Variants in SNN observed in about 807,000 individuals in gnomAD.
The protein encoded by SNN is stannin, also known as AG8_1.
In SNN, 5 loss-of-function variants were observed where a neutral mutation model predicts 5.3. The observed-to-expected ratio is 0.94, with a 90% confidence interval of 0.49 to 1.97. The LOEUF (loss-of-function observed/expected upper bound fraction) is 1.97. Ranked by LOEUF, SNN falls within the 30% of genes most tolerant of loss-of-function variation. SNN has a pLI of 0.01. For missense variants in SNN, 127 were observed against 121.6 expected (o/e 1.04, Z -0.21); for synonymous variants, 67 against 52.1 (o/e 1.29, Z -1.24).
intron 1 of SNN, among the ~76,000 whole-genome samples, chr16:11,673,236 C>T (rs1035661183): frequency 2.0e-5 from 3 of 151,966 alleles, no homozygotes; most frequent in African/African-American, 7.3e-5. Context: ...AGTCTGGAGG[C>T]GTGAGAGAAC....
chr16:11,670,762 G>C (rs915647538), intron 1 of SNN, among the ~76,000 whole-genome samples: 1 of 152,224 alleles, frequency 6.6e-6, no homozygotes, highest in Non-Finnish European at 1.5e-5. Flanking sequence ...ACTGCGGTCT[G>C]TGGGCCCCCC....
intron 1 of SNN, among the ~76,000 whole-genome samples, chr16:11,673,763 CG>C (rs2050280834): frequency 6.6e-6 from 1 of 152,152 alleles, no homozygotes; most frequent in Admixed American, 6.5e-5. Flanking sequence ...CGGGGGTCAG[CG>C]TGGCTGGCGA....
rs2050326765 is a variant in SNN at position 11,678,437 on chromosome 16, G to C, written c.*2111G>C. On this transcript the variant is annotated 3_prime_UTR_variant, in exon 2 of 2. Transcript: ENST00000329565. ...GCAACAGCTAGGATCTGCATTTTCA[G>C]GTTCCGAGCCTGACCCCTGGAACTG... 1.2e-5 allele frequency: 2 copies of C among 167,080 alleles called. No homozygotes were observed. Among genetic ancestry groups the C allele is most frequent in the African/African-American group, 4.8e-5 (2 of 41,428 alleles). 10.3% of individuals were successfully genotyped at this position (167,080 alleles called of 1,614,324 possible).
chr16:11,676,242 G>C lies in SNN; in HGVS notation c.183G>C (p.Leu61=), dbSNP rs372269134. ...ATGGGGAGACCAAGGAACCCTTCCT[G>C]CTGGTGCAGTATTCGGCCAAGGGAC... The part of the protein sequence containing the change: ...VGDGETKEPF[L]LVQYSAKGPC... Residue 61 remains leucine, a synonymous_variant, in exon 2 of 2, where the codon CTG becomes CTC. Coordinates refer to ENST00000329565, the MANE Select transcript of SNN (RefSeq NM_003498.6). 3 of 1,614,096 alleles carry C rather than the reference G, an allele frequency of 1.9e-6. No individual in the cohort carries two copies. The highest frequency in any genetic ancestry group is 2.7e-5 in the African/African-American group (2 of 74,934).
At position 11,668,543 on chromosome 16, in the gene SNN, G is replaced by A. The variant is rs1487430233; in HGVS notation, c.-86+3G>A. ...GGCCGGGCCGCTGCCGCGCCATGGT[G>A]AGCCGGGCGGGGCAGGCCGCGCGCT... On this transcript the variant is annotated splice_donor_region_variant and intron_variant, in intron 1 of 1. Coordinates refer to ENST00000329565, the MANE Select transcript of SNN (RefSeq NM_003498.6). The surrounding 1 kb of genome is among the most constrained non-coding windows in gnomAD (Gnocchi z 6.8). 1 of 145,574 alleles carries A rather than the reference G, an allele frequency of 6.9e-6. No individual in the cohort carries two copies. Among genetic ancestry groups the A allele is most frequent in the Non-Finnish European group, 1.5e-5 (1 of 65,344 alleles). The allele number at this position is 145,574 out of a possible 1,614,324, so 9.0% of individuals were successfully genotyped here.
At chr16:11,675,385 A>G (rs1157069464) in intron 1 of SNN, among the ~76,000 whole-genome samples, 3 of 146,782 alleles carry the variant, frequency 2.0e-5, no homozygotes, top group Non-Finnish European at 3.0e-5. Flanking sequence ...CTCATGCCTT[A>G]GCCTCCCAAG....
At chr16:11,669,911 T>C (rs1029489721) in intron 1 of SNN, among the ~76,000 whole-genome samples, 1 of 151,068 alleles carries the variant, frequency 6.6e-6, no homozygotes, top group Non-Finnish European at 1.5e-5. Context: ...TGGGTGGGGG[T>C]GGAGGATGAG....
rs995939497 is a variant in SNN, at chr16:11,672,302, G to A, written c.-85-3673G>A. Among the ~76,000 whole-genome samples, 1 of 152,176 alleles carries A rather than the reference G, an allele frequency of 6.6e-6. No homozygotes were observed. The highest frequency in any genetic ancestry group is 2.4e-5 in the African/African-American group (1 of 41,422). On this transcript the variant is annotated intron_variant, in intron 1 of 1. Transcript: ENST00000329565. This position sits in a 1 kb window ranked among gnomAD's most constrained non-coding sequence, Gnocchi z 6.0. ...GGGACAGCCCCTGAGCCTAGAGAAGGGCAGGTAGCAAGGAGAGCAAATGAA... is the reference window on the plus strand; with the variant it reads ...GGGACAGCCCCTGAGCCTAGAGAAGAGCAGGTAGCAAGGAGAGCAAATGAA...
intron 1 of SNN, among the ~76,000 whole-genome samples, chr16:11,674,530 C>G (rs1055372154): frequency 5.9e-5 from 9 of 152,254 alleles, no homozygotes; most frequent in African/African-American, 2.2e-4. Context: ...TCCTCCGCCA[C>G]TTGGCAGGCC....
chr16:11,668,575 G>C lies in SNN; in HGVS notation c.-86+35G>C, dbSNP rs1335540317. On this transcript the variant is annotated intron_variant, in intron 1 of 1. Coordinates refer to ENST00000329565, the MANE Select transcript of SNN (RefSeq NM_003498.6). This position sits in a 1 kb window ranked among gnomAD's most constrained non-coding sequence, Gnocchi z 6.8. ...GCGGGGCAGGCCGCGCGCTCGGGCCGGGCGGGGGCGCCGGGGCCCGGGGGC... is the reference window on the plus strand; with the variant it reads ...GCGGGGCAGGCCGCGCGCTCGGGCCCGGCGGGGGCGCCGGGGCCCGGGGGC... 1.4e-5 allele frequency: 2 copies of C among 145,364 alleles called. No homozygotes were observed. The highest frequency in any genetic ancestry group is 3.1e-5 in the Non-Finnish European group (2 of 65,190). 9.0% of individuals were successfully genotyped at this position (145,364 alleles called of 1,614,324 possible).
chr16:11,673,864 G>C (rs1455341858), intron 1 of SNN, among the ~76,000 whole-genome samples: 1 of 152,226 alleles, frequency 6.6e-6, no homozygotes, highest in Non-Finnish European at 1.5e-5. Context: ...CCCTGAGGGT[G>C]GGCAGGGAGA....
chr16:11,669,010 G>C (rs1401613976), intron 1 of SNN, among the ~76,000 whole-genome samples: 1 of 152,132 alleles, frequency 6.6e-6, no homozygotes, highest in Non-Finnish European at 1.5e-5. Flanking sequence ...CCGGTTCCGT[G>C]GGCAGCGGCT....
At chr16:11,669,049 G>C (rs1347621064) in intron 1 of SNN, among the ~76,000 whole-genome samples, 1 of 152,150 alleles carries the variant, frequency 6.6e-6, no homozygotes, top group Non-Finnish European at 1.5e-5. Flanking sequence ...TAGCTCCCCT[G>C]GTCCCCGTCC....
In SNN at chr16:11,676,399, G is replaced by T. The variant is rs2050304611; in HGVS notation, c.*73G>T. 1 of 1,504,262 alleles carries T rather than the reference G, an allele frequency of 6.6e-7. No homozygotes were observed. Among genetic ancestry groups the T allele is most frequent in the South Asian group, 1.3e-5 (1 of 79,920 alleles). 93.2% of individuals were successfully genotyped at this position (1,504,262 alleles called of 1,614,324 possible). A position where few individuals can be genotyped will look rare whatever the true frequency, so the allele number is the denominator to read the frequency against. ...CTGGGAGGGGCAAAACCATACGGATGCGCTGCTGTCTGAGAGGAAGGGCTG... is the reference window on the plus strand; with the variant it reads ...CTGGGAGGGGCAAAACCATACGGATTCGCTGCTGTCTGAGAGGAAGGGCTG... On this transcript the variant is annotated 3_prime_UTR_variant, in exon 2 of 2. Transcript: ENST00000329565.
chr16:11,669,849 G>A (rs1238331313), intron 1 of SNN, among the ~76,000 whole-genome samples: 8 of 152,180 alleles, frequency 5.3e-5, no homozygotes, highest in Non-Finnish European at 1.2e-4. Flanking sequence ...TTGCCACTGG[G>A]GAACCTAGGG....
chr16:11,670,686 T>G (rs1374304491), intron 1 of SNN, among the ~76,000 whole-genome samples: 1 of 152,222 alleles, frequency 6.6e-6, no homozygotes, highest in Non-Finnish European at 1.5e-5. Flanking sequence ...CTTGCTTGGC[T>G]GGGCGGAAGC....
In SNN at chr16:11,672,084, C is replaced by A. The variant is rs569259136; in HGVS notation, c.-86+3544C>A. Among the ~76,000 whole-genome samples, 12 of 152,050 alleles carry A rather than the reference C, an allele frequency of 7.9e-5. No homozygotes were observed. The highest frequency in any genetic ancestry group is 5.9e-4 in the Admixed American group (9 of 15,296). ...GTGCCCTGAGTGTCAGGGACCCCCC[C>A]ACCTATGATCCCCCTGAGAACAGGG... is the stretch of plus-strand genomic sequence containing the variant. On this transcript the variant is annotated intron_variant, in intron 1 of 1. Transcript: ENST00000329565. This position sits in a 1 kb window ranked among gnomAD's most constrained non-coding sequence, Gnocchi z 6.0.
chr16:11,675,167 CAGGTGTCCCCAA>C (rs2050290800), intron 1 of SNN, among the ~76,000 whole-genome samples: 1 of 152,032 alleles, frequency 6.6e-6, no homozygotes, highest in Admixed American at 6.6e-5. Flanking sequence ...CACCCTCTCA[CAGGTGTCCCCAA>C]AGGACCTGCC....
intron 1 of SNN, among the ~76,000 whole-genome samples, chr16:11,670,646 G>A (rs375473567): frequency 6.6e-6 from 1 of 152,218 alleles, no homozygotes; most frequent in Non-Finnish European, 1.5e-5. Context: ...TCCGCTTTGC[G>A]CATTGAGAAA....
Sources: gnomAD v4.1 joint callset for allele counts (sites outside exome capture counted in the v4.1 genomes callset) on GRCh38, gnomAD v4.1.1 for gene constraint, Gnocchi (gnomAD v3.1) non-coding constraint, MANE v1.5 for transcripts, NCBI Gene and HGNC (gene_info 2026-07-23, HGNC 2026-07-21) for gene names.